Variants in RBMS3 observed in about 807,000 individuals in gnomAD.
RBMS3 encodes RNA-binding motif, single-stranded-interacting protein 3.
Under a neutral mutation model 66.8 loss-of-function variants are expected in RBMS3, and 27 were observed. That is an observed-to-expected ratio of 0.40 (90% confidence interval 0.30 to 0.56). The LOEUF (loss-of-function observed/expected upper bound fraction) is 0.56, where lower values mean the gene tolerates loss of function less well. RBMS3 is among the 20% of genes least tolerant of loss of function. RBMS3 has a pLI of 0.40. For missense variants in RBMS3, 513 were observed against 549.5 expected (o/e 0.93, Z 0.66); for synonymous variants, 188 against 183.0 (o/e 1.03, Z -0.22).
chr3:29,322,308 GT>G (rs917826689), intron 1 of RBMS3, among the ~76,000 whole-genome samples: 2 of 151,468 alleles, frequency 1.3e-5, no homozygotes, highest in Non-Finnish European at 2.9e-5. Flanking sequence ...TGTTGTCTGT[GT>G]TTTTTTTGTG....
intron 4 of RBMS3, among the ~76,000 whole-genome samples, chr3:29,672,064 C>A (rs1190564597): frequency 6.6e-6 from 1 of 152,136 alleles, no homozygotes; most frequent in Non-Finnish European, 1.5e-5. Flanking sequence ...TAAATGGAAG[C>A]CCATCAGACT....
chr3:29,657,578 T>C (rs544937210), intron 4 of RBMS3, among the ~76,000 whole-genome samples: 1 of 152,318 alleles, frequency 6.6e-6, no homozygotes, highest in South Asian at 2.1e-4. Context: ...TGGATAGAAA[T>C]CTAAAAATAT....
chr3:29,511,295 C>CAAATA (rs1426559258), intron 3 of RBMS3, among the ~76,000 whole-genome samples: 1 of 151,872 alleles, frequency 6.6e-6, no homozygotes, highest in African/African-American at 2.4e-5. Context: ...GACTTCATCT[C>CAAATA]AAATAAAATA....
intron 4 of RBMS3, among the ~76,000 whole-genome samples, chr3:29,615,386 G>A (rs942960056): frequency 6.6e-6 from 1 of 151,676 alleles, no homozygotes; most frequent in African/African-American, 2.4e-5. Flanking sequence ...CATATTAATA[G>A]GATGTTAATA....
intron 12 of RBMS3, among the ~76,000 whole-genome samples, chr3:29,978,137 A>G (rs2149775846): frequency 6.6e-6 from 1 of 152,318 alleles, no homozygotes; most frequent in Non-Finnish European, 1.5e-5. Flanking sequence ...TGCTCTGAAG[A>G]AAATCAAACT....
At chr3:29,892,802 A>AGTAT (rs370739212) in intron 8 of RBMS3, among the ~76,000 whole-genome samples, 16,893 of 139,920 alleles carry the variant, frequency 0.12, 1,265 homozygotes, top group Non-Finnish European at 0.15. Flanking sequence ...CTCTGCTTGA[A>AGTAT]GTATGTATGT....
intron 6 of RBMS3, among the ~76,000 whole-genome samples, chr3:29,866,385 A>G (rs952902204): frequency 6.6e-6 from 1 of 152,216 alleles, no homozygotes; most frequent in Admixed American, 6.5e-5. Flanking sequence ...CTTACCTAAC[A>G]GAGGCACACA....
At chr3:29,965,576 T>G (rs1375794772) in intron 12 of RBMS3, among the ~76,000 whole-genome samples, 1 of 152,124 alleles carries the variant, frequency 6.6e-6, no homozygotes, top group East Asian at 1.9e-4. Context: ...GATGGGATTG[T>G]TTGGTTTTTT....
intron 3 of RBMS3, among the ~76,000 whole-genome samples, chr3:29,563,563 C>T (rs575812127): frequency 2.6e-5 from 4 of 152,190 alleles, no homozygotes; most frequent in South Asian, 4.1e-4. Flanking sequence ...ACTAATTACA[C>T]GGGAACAAAA....
chr3:29,685,369 A>AT (rs745589413), intron 4 of RBMS3, among the ~76,000 whole-genome samples: 28 of 151,960 alleles, frequency 1.8e-4, no homozygotes, highest in African/African-American at 4.1e-4. Flanking sequence ...CCCGGTAAAC[A>AT]TTTTTTTTAT....
chr3:29,369,379 A>C (rs1282214523), intron 1 of RBMS3, among the ~76,000 whole-genome samples: 1 of 151,780 alleles, frequency 6.6e-6, no homozygotes, highest in Non-Finnish European at 1.5e-5. Context: ...TTTTGCCATT[A>C]CTTTCAATGG....
intron 1 of RBMS3, among the ~76,000 whole-genome samples, chr3:29,381,991 A>C (rs370906395): frequency 6.6e-6 from 1 of 151,900 alleles, no homozygotes. Flanking sequence ...TTTTTCCTTA[A>C]CTGGGGAATC....
intron 1 of RBMS3, among the ~76,000 whole-genome samples, chr3:29,342,579 A>G (rs570736733): frequency 6.6e-6 from 1 of 152,316 alleles, no homozygotes; most frequent in Non-Finnish European, 1.5e-5. Context: ...TCGTGAAAAC[A>G]CAATGGATAA....
At chr3:29,822,689 G>T (rs2058103468) in intron 6 of RBMS3, among the ~76,000 whole-genome samples, 1 of 152,138 alleles carries the variant, frequency 6.6e-6, no homozygotes, top group Non-Finnish European at 1.5e-5. Flanking sequence ...ATACTAGAGA[G>T]AGTGCATGGA....
chr3:29,880,683 A>G, intron 7 of RBMS3: 1 of 1,204,038 alleles, frequency 8.3e-7, no homozygotes, highest in Admixed American at 2.0e-5. Flanking sequence ...GGTTAAGTTC[A>G]AACAACCCTT....
intron 12 of RBMS3, among the ~76,000 whole-genome samples, chr3:29,950,985 G>A (rs1440133029): frequency 1.3e-5 from 2 of 151,842 alleles, no homozygotes; most frequent in Non-Finnish European, 2.9e-5. Flanking sequence ...TGGTTATCAG[G>A]ATAGTTGGAA....
chr3:29,678,101 C>A (rs115423880), intron 4 of RBMS3, among the ~76,000 whole-genome samples: 9 of 152,096 alleles, frequency 5.9e-5, no homozygotes, highest in Non-Finnish European at 1.0e-4. Flanking sequence ...AACTAGGAAC[C>A]AGTCCTTCCA....
intron 8 of RBMS3, among the ~76,000 whole-genome samples, chr3:29,885,063 A>T (rs574147389): frequency 3.2e-4 from 49 of 152,066 alleles, no homozygotes; most frequent in South Asian, 1.0e-3. Flanking sequence ...AAGTATTTAA[A>T]TAATTACCTC....
At chr3:29,390,340 A>C (rs1169316301) in intron 1 of RBMS3, among the ~76,000 whole-genome samples, 2 of 152,196 alleles carry the variant, frequency 1.3e-5, no homozygotes, top group Non-Finnish European at 2.9e-5. Flanking sequence ...TTACCAAAAA[A>C]AGTTCTATTG....
Sources: allele counts gnomAD v4.1 joint callset (sites outside exome capture counted in the v4.1 genomes callset), GRCh38; gene constraint gnomAD v4.1.1; transcripts MANE v1.5; gene names NCBI Gene and HGNC (gene_info 2026-07-23, HGNC 2026-07-21).